The following BICD1 variants were observed in gnomAD, a reference collection of about 807,000 sequenced individuals.
BICD1 encodes BICD cargo adaptor 1.
Under a neutral mutation model 92.5 loss-of-function variants are expected in BICD1, and 35 were observed. The observed-to-expected ratio is 0.38, with a 90% CI of 0.29 to 0.50. The LOEUF (loss-of-function observed/expected upper bound fraction) is 0.50. BICD1 is among the 20% of genes least tolerant of loss of function. BICD1 has a pLI of 0.93. For synonymous variants in BICD1, 429 were observed against 465.1 expected (o/e 0.92, Z 1.00); for missense variants, 950 against 1,189.8 (o/e 0.80, Z 2.97).
chr12:32,200,877 A>G (rs1944887269), intron 1 of BICD1, among the ~76,000 whole-genome samples: 1 of 152,214 alleles, frequency 6.6e-6, no homozygotes, highest in East Asian at 1.9e-4. Flanking sequence ...AACAATAAGA[A>G]TATAAGTGTC....
At chr12:32,352,522 T>G (rs1361413096) in intron 8 of BICD1, 1 of 151,960 alleles carries the variant, frequency 6.6e-6, no homozygotes. Flanking sequence ...TGGTTTGTTT[T>G]GTGTTTTAGT....
rs575208259 is a variant in BICD1, at chr12:32,300,325, G to A, written c.580-5372G>A. The stretch of plus-strand genomic sequence containing the variant: ...TCACCGTGTTAGTCAGGATGATCTC[G>A]ATCTCCTGACCTCATGATCCTCCTG... On this transcript the variant is annotated intron_variant, in intron 3 of 9. Coordinates refer to ENST00000652176, the MANE Select transcript of BICD1 (RefSeq NM_001714.4). 4.6e-5 allele frequency among the ~76,000 whole-genome samples: 7 copies of A among 152,030 alleles called. No individual in the cohort carries two copies. In the East Asian group the frequency reaches 9.7e-4, roughly 21 times the overall value.
chr12:32,284,057 G>T (rs1019946795), intron 2 of BICD1, among the ~76,000 whole-genome samples: 4 of 152,158 alleles, frequency 2.6e-5, no homozygotes, highest in Non-Finnish European at 5.9e-5. Flanking sequence ...AGGCCTTCTT[G>T]GCCCCAACAC....
intron 1 of BICD1, among the ~76,000 whole-genome samples, chr12:32,130,267 A>G (rs1453864931): frequency 8.6e-5 from 13 of 151,518 alleles, no homozygotes; most frequent in Non-Finnish European, 1.0e-4. Context: ...TGCACTGGGC[A>G]ATCTCGGCTC....
chr12:32,172,193 C>T (rs1416928015), intron 1 of BICD1, among the ~76,000 whole-genome samples: 1 of 152,102 alleles, frequency 6.6e-6, no homozygotes, highest in Non-Finnish European at 1.5e-5. Context: ...GGAATCAGTG[C>T]TAGTGAAGGA....
At chr12:32,273,666 A>G (rs1198921365) in intron 2 of BICD1, among the ~76,000 whole-genome samples, 1 of 152,244 alleles carries the variant, frequency 6.6e-6, no homozygotes, top group Non-Finnish European at 1.5e-5. Context: ...TTTAAATAAC[A>G]TAGTAGAAAT....
Position 32,299,746 on chromosome 12 carries a change from A to G in BICD1, c.579+5600A>G, listed in dbSNP as rs1947979997. Among the ~76,000 whole-genome samples the G allele has an allele frequency of 4.6e-5, 7 of 152,298 alleles. No homozygotes were observed. The South Asian group carries it at 1.4e-3, about 32-fold the overall frequency. On this transcript the variant is annotated intron_variant, in intron 3 of 9. Transcript: ENST00000652176. ...AGGATGACTTGAGTCCAGGAGGTTG[A>G]GGCTCCAATGAGCCATGATTGTGCC...
intron 1 of BICD1, among the ~76,000 whole-genome samples, chr12:32,159,550 G>T (rs1943539998): frequency 6.6e-6 from 1 of 152,148 alleles, no homozygotes; most frequent in Non-Finnish European, 1.5e-5. Context: ...ACTATCCTTT[G>T]TCTATTAATA....
intron 1 of BICD1, among the ~76,000 whole-genome samples, chr12:32,200,741 A>T (rs1177238433): frequency 6.6e-6 from 1 of 152,252 alleles, no homozygotes; most frequent in East Asian, 1.9e-4. Context: ...AACATAGGGA[A>T]TAATGTTATT....
chr12:32,219,448 A>T (rs1181941895), intron 2 of BICD1, among the ~76,000 whole-genome samples: 1 of 152,232 alleles, frequency 6.6e-6, no homozygotes, highest in African/African-American at 2.4e-5. Context: ...TTAGTATTAA[A>T]TTCATGATAT....
chr12:32,226,606 C>G (rs1001219542), intron 2 of BICD1, among the ~76,000 whole-genome samples: 1 of 152,164 alleles, frequency 6.6e-6, no homozygotes, highest in Admixed American at 6.6e-5. Context: ...AGAGTGCAGG[C>G]TGAGTGGCCA....
intron 4 of BICD1, among the ~76,000 whole-genome samples, chr12:32,309,505 T>G (rs2136225474): frequency 6.6e-6 from 1 of 152,312 alleles, no homozygotes; most frequent in African/African-American, 2.4e-5. Flanking sequence ...CAGTGAAACA[T>G]GAGTATTCAC....
chr12:32,233,536 C>CTGCT (rs1432964000), intron 2 of BICD1, among the ~76,000 whole-genome samples: 3 of 151,054 alleles, frequency 2.0e-5, no homozygotes, highest in African/African-American at 7.3e-5. Context: ...CCCCTTCCTC[C>CTGCT]TCCTTCCTTC....
At chr12:32,237,436 T>G (rs925350924) in intron 2 of BICD1, among the ~76,000 whole-genome samples, 13 of 152,232 alleles carry the variant, frequency 8.5e-5, no homozygotes, top group African/African-American at 3.1e-4. Context: ...CAAATGTAGA[T>G]GAAACGACTT....
chr12:32,154,241 G>A (rs1284417367), intron 1 of BICD1, among the ~76,000 whole-genome samples: 1 of 151,950 alleles, frequency 6.6e-6, no homozygotes, highest in East Asian at 1.9e-4. Flanking sequence ...ATTACTTTAT[G>A]TATATGTTCT....
intron 2 of BICD1, among the ~76,000 whole-genome samples, chr12:32,253,511 G>A (rs1946621318): frequency 6.6e-6 from 1 of 151,298 alleles, no homozygotes. Context: ...TATTTTTATA[G>A]TAAAAGTGAT....
intron 1 of BICD1, among the ~76,000 whole-genome samples, chr12:32,155,773 A>G (rs1176879486): frequency 6.6e-6 from 1 of 152,254 alleles, no homozygotes; most frequent in Non-Finnish European, 1.5e-5. Context: ...ATTAAGATAT[A>G]GTCATTTACA....
At chr12:32,188,339 T>C (rs1280991424) in intron 1 of BICD1, among the ~76,000 whole-genome samples, 2 of 152,236 alleles carry the variant, frequency 1.3e-5, no homozygotes, top group African/African-American at 2.4e-5. Context: ...AGATAGTTTA[T>C]ATATTGGTGA....
chr12:32,306,860 C>A (rs1429567904), intron 4 of BICD1, among the ~76,000 whole-genome samples: 1 of 149,234 alleles, frequency 6.7e-6, no homozygotes, highest in Non-Finnish European at 1.5e-5. Context: ...ACTAAAAATA[C>A]AAAAAATTAG....
Sources: gnomAD v4.1 joint callset for allele counts (sites outside exome capture counted in the v4.1 genomes callset) on GRCh38, gnomAD v4.1.1 for gene constraint, MANE v1.5 for transcripts, NCBI Gene and HGNC (gene_info 2026-07-23, HGNC 2026-07-21) for gene names.